Variants in ESRRG observed in about 807,000 individuals in gnomAD.
ESRRG encodes estrogen related receptor gamma.
ESRRG carries 13 observed loss-of-function variants against 44.0 expected under a neutral mutation model. The observed-to-expected ratio is 0.30, with a 90% CI of 0.19 to 0.47. The LOEUF is 0.47. Ranked by LOEUF, ESRRG falls within the 20% of genes least tolerant of loss-of-function variation. The pLI is 1.00. For missense variants in ESRRG, 395 were observed against 580.6 expected (o/e 0.68, Z 3.29); for synonymous variants, 215 against 214.6 (o/e 1.00, Z -0.02).
chr1:216,749,036 C>T (rs1429333193), intron 2 of ESRRG, among the ~76,000 whole-genome samples: 1 of 152,140 alleles, frequency 6.6e-6, no homozygotes, highest in Non-Finnish European at 1.5e-5. Flanking sequence ...TGGCTCCATG[C>T]TCTTTATTCC....
chr1:216,515,872 T>C (rs11117606), intron 6 of ESRRG, among the ~76,000 whole-genome samples: 74,168 of 151,806 alleles, frequency 0.49, 19,361 homozygotes, highest in Non-Finnish European at 0.61. Flanking sequence ...AAATTCTTAA[T>C]ATAAGAATCA....
intron 1 of ESRRG, among the ~76,000 whole-genome samples, chr1:216,956,416 A>T (rs564727691): frequency 2.6e-5 from 4 of 152,232 alleles, no homozygotes; most frequent in Non-Finnish European, 5.9e-5. Context: ...AATTGCCTAT[A>T]AATATGTGGA....
At chr1:217,004,250 G>A (rs2077433039) in intron 1 of ESRRG, among the ~76,000 whole-genome samples, 2 of 152,144 alleles carry the variant, frequency 1.3e-5, no homozygotes, top group Non-Finnish European at 2.9e-5. Flanking sequence ...GATATGGTTT[G>A]GCTGTGTCCC....
intron 2 of ESRRG, among the ~76,000 whole-genome samples, chr1:216,893,792 T>A (rs1189406868): frequency 1.3e-5 from 2 of 152,098 alleles, no homozygotes; most frequent in East Asian, 3.9e-4. Context: ...TGCTGCAAAG[T>A]AAAATAAATG....
At position 217,037,493 on chromosome 1, in the gene ESRRG, C is replaced by T. The variant is rs7550129; in HGVS notation, c.-106+52014G>A. Among the ~76,000 whole-genome samples the T allele has an allele frequency of 3.2e-3, 483 of 152,236 alleles. 1 individual carries two copies. Among genetic ancestry groups the T allele is most frequent in the African/African-American group, 0.011 (452 of 41,546 alleles). The stretch of plus-strand genomic sequence containing the variant: ...CCCACTCGCCGTCAGAAGAACAGCA[C>T]GGGAAAGACCCAAACCCATGATTCA... On this transcript the variant is annotated intron_variant, in intron 1 of 7. Coordinates refer to the ESRRG transcript ENST00000359162.
rs1317040295 is a variant in ESRRG at position 216,998,028 on chromosome 1, T to C, written c.-105-58355A>G. Among the ~76,000 whole-genome samples the C allele has an allele frequency of 2.0e-5, 3 of 152,216 alleles. No homozygotes were observed. In the East Asian group the frequency reaches 5.8e-4, roughly 29 times the overall value. On this transcript the variant is annotated intron_variant, in intron 1 of 7. Transcript: ENST00000359162. ...AGATATTTGCATGAAAACAGGATCT[T>C]TGTTTCCTAAGGATTGATCCACTTG...
intron 1 of ESRRG, among the ~76,000 whole-genome samples, chr1:217,096,200 T>C (rs1168757519): frequency 6.6e-6 from 1 of 152,204 alleles, no homozygotes; most frequent in Non-Finnish European, 1.5e-5. Flanking sequence ...ATTGTGGGTT[T>C]TCTGGAGTTC....
chr1:216,600,656 T>G (rs1490587519), intron 3 of ESRRG, among the ~76,000 whole-genome samples: 1 of 152,064 alleles, frequency 6.6e-6, no homozygotes, highest in Non-Finnish European at 1.5e-5. Context: ...ATTTTAAAAA[T>G]AAAGTCTTAA....
At chr1:216,929,642 C>T (rs1196528729) in intron 2 of ESRRG, among the ~76,000 whole-genome samples, 1 of 152,146 alleles carries the variant, frequency 6.6e-6, no homozygotes, top group Admixed American at 6.6e-5. Context: ...TAGTGCATCA[C>T]AGGTGGTTTG....
At chr1:216,937,439 T>G (rs2064328446) in intron 2 of ESRRG, among the ~76,000 whole-genome samples, 1 of 152,138 alleles carries the variant, frequency 6.6e-6, no homozygotes, top group African/African-American at 2.4e-5. Context: ...AGTCAATTAG[T>G]CAGAAAGGTT....
At chr1:216,779,495 T>TACAA (rs2093824181) in intron 2 of ESRRG, among the ~76,000 whole-genome samples, 1 of 3,344 alleles carries the variant, frequency 3.0e-4, no homozygotes. Flanking sequence ...AATATATATT[T>TACAA]ATATATAAAT....
chr1:216,592,931 A>G (rs1366888886), intron 3 of ESRRG, among the ~76,000 whole-genome samples: 3 of 152,198 alleles, frequency 2.0e-5, no homozygotes, highest in Non-Finnish European at 2.9e-5. Flanking sequence ...TGAGATAGGT[A>G]TTACTATGTT....
chr1:216,562,988 C>T (rs758022345), intron 5 of ESRRG, among the ~76,000 whole-genome samples: 2 of 152,042 alleles, frequency 1.3e-5, no homozygotes, highest in Non-Finnish European at 2.9e-5. Context: ...GATTACAATC[C>T]AACTGCAATA....
chr1:216,722,024 C>CA (rs2086441077), intron 1 of ESRRG, among the ~76,000 whole-genome samples: 1 of 152,192 alleles, frequency 6.6e-6, no homozygotes, highest in Non-Finnish European at 1.5e-5. Context: ...CACTCACACT[C>CA]ACGCTCAAAC....
chr1:216,960,966 A>C (rs1478182125), intron 1 of ESRRG, among the ~76,000 whole-genome samples: 2 of 152,162 alleles, frequency 1.3e-5, no homozygotes, highest in Non-Finnish European at 2.9e-5. Context: ...TTGTAGGAAC[A>C]TACCAAATTT....
At chr1:216,574,226 A>C (rs1352651989) in intron 3 of ESRRG, among the ~76,000 whole-genome samples, 1 of 152,168 alleles carries the variant, frequency 6.6e-6, no homozygotes, top group Non-Finnish European at 1.5e-5. Flanking sequence ...CCTACCTACC[A>C]GAATGTTTCA....
rs766859060 is a variant in ESRRG at position 216,564,387 on chromosome 1, G to A, written c.701-7C>T. On this transcript the variant is annotated splice_polypyrimidine_tract_variant and splice_region_variant and intron_variant, in intron 4 of 6. Transcript: ENST00000408911. ...TGTGAGACAATCTTGTTATCTGCAG[G>A]ATCAGACCAGAGCACTACAAGATCA... 2.5e-6 allele frequency: 4 copies of A among 1,604,042 alleles called. No individual in the cohort carries two copies. Among genetic ancestry groups the A allele is most frequent in the East Asian group, 4.5e-5 (2 of 44,580 alleles).
Position 217,076,494 on chromosome 1 carries a change from A to C in ESRRG, c.-106+13013T>G, listed in dbSNP as rs904540213. Among the ~76,000 whole-genome samples the C allele has an allele frequency of 7.9e-5, 12 of 152,218 alleles. 1 individual carries two copies. The highest frequency in any genetic ancestry group is 7.9e-4 in the Admixed American group (12 of 15,276). Reference sequence around the variant, plus strand: ...ACACTGAAACCACCTCTACCAGAGAAATGCAAATATTATTGTGATATCTGG... The same window carrying C: ...ACACTGAAACCACCTCTACCAGAGACATGCAAATATTATTGTGATATCTGG... On this transcript the variant is annotated intron_variant, in intron 1 of 7. Coordinates refer to the ESRRG transcript ENST00000359162.
chr1:217,012,110 T>C (rs2078707271), intron 1 of ESRRG, among the ~76,000 whole-genome samples: 1 of 152,140 alleles, frequency 6.6e-6, no homozygotes, highest in Non-Finnish European at 1.5e-5. Flanking sequence ...AGGGGACCCA[T>C]GAAAGTGAGG....
Sources: gnomAD v4.1 joint callset for allele counts (sites outside exome capture counted in the v4.1 genomes callset) on GRCh38, gnomAD v4.1.1 for gene constraint, MANE v1.5 for transcripts, NCBI Gene and HGNC (gene_info 2026-07-23, HGNC 2026-07-21) for gene names.